The following CLIC6 variants were observed in gnomAD, a reference collection of about 807,000 sequenced individuals.
CLIC6 encodes chloride intracellular channel protein 6.
In CLIC6, 39 loss-of-function variants were observed where a neutral mutation model predicts 49.2. The observed-to-expected ratio is 0.79, with a 90% CI of 0.61 to 1.04. CLIC6 has a LOEUF of 1.04. CLIC6 is among the 50% of genes least tolerant of loss of function. The pLI is 0.00. For missense variants in CLIC6, 988 were observed against 993.1 expected, an observed-to-expected ratio of 0.99 and a Z score of 0.07; for synonymous variants, 446 against 433.4, an observed-to-expected ratio of 1.03 and a Z score of -0.36.
rs772693611 is a variant in CLIC6 at position 34,669,628 on chromosome 21, C to T, written c.240C>T (p.His80=). The T allele has an allele frequency of 1.1e-4, 143 of 1,285,802 alleles. No individual in the cohort carries two copies. Among genetic ancestry groups the T allele is most frequent in the Non-Finnish European group, 1.3e-4 (135 of 1,019,382 alleles). 79.6% of individuals were successfully genotyped at this position (1,285,802 alleles called of 1,614,324 possible). A position where few individuals can be genotyped will look rare whatever the true frequency, so the allele number is the denominator to read the frequency against. ...AGGCGCGGGGCACGAGGGGGGCGCA[C>T]GGCGAGACTGAGGCCGAGGAGGGAG... The part of the protein sequence containing the change: ...EAEARGTRGA[H]GETEAEEGAP... Residue 80 remains histidine, a synonymous_variant, in exon 1 of 6, where the codon CAC becomes CAT. Transcript: ENST00000349499.
chr21:34,669,427 T>G lies in CLIC6; in HGVS notation c.39T>G (p.Gly13=). The change falls in exon 1 of 6, where the codon GGT becomes GGG. Residue 13 remains glycine, a synonymous_variant. Transcript: ENST00000349499. ...EAAEPEGVAP[G]PQGPPEVPAP... Reference sequence around the variant, plus strand: ...CGGAGCCGGAGGGGGTTGCCCCGGGTCCCCAGGGGCCGCCGGAGGTCCCCG... The same window carrying G: ...CGGAGCCGGAGGGGGTTGCCCCGGGGCCCCAGGGGCCGCCGGAGGTCCCCG... 1 of 1,233,000 alleles carries G rather than the reference T, an allele frequency of 8.1e-7. No homozygotes were observed. The allele number at this position is 1,233,000 out of a possible 1,614,324, so 76.4% of individuals were successfully genotyped here. A position where few individuals can be genotyped will look rare whatever the true frequency, so the allele number is the denominator to read the frequency against.
chr21:34,713,612 T>C (rs1243828696), intron 5 of CLIC6, among the ~76,000 whole-genome samples: 1 of 150,200 alleles, frequency 6.7e-6, no homozygotes, highest in Non-Finnish European at 1.5e-5. Flanking sequence ...ATAAAAAAGG[T>C]GATTAGAGAG....
rs545468504 is a variant in CLIC6, at chr21:34,705,652, G to A, written c.1375-1628G>A. Among the ~76,000 whole-genome samples, 14 of 152,180 alleles carry A rather than the reference G, an allele frequency of 9.2e-5. 1 individual carries two copies. In the South Asian group the frequency reaches 2.9e-3, roughly 32 times the overall value. ...CCAGAGCTTAGGGACTCTGAATTCA[G>A]TAATCTGGGTCTATTGGTGCCCCTT... On this transcript the variant is annotated intron_variant, in intron 1 of 5. Coordinates refer to ENST00000349499, the MANE Select transcript of CLIC6 (RefSeq NM_053277.3).
Position 34,708,872 on chromosome 21 carries a change from C to T in CLIC6, c.1717+66C>T, listed in dbSNP as rs562034278. On this transcript the variant is annotated intron_variant, in intron 4 of 5. Coordinates refer to ENST00000349499, the MANE Select transcript of CLIC6 (RefSeq NM_053277.3). The stretch of plus-strand genomic sequence containing the variant: ...TTGAGTCTTAGCATGGCGGCCCATA[C>T]GCTCCTGGGGTATTCCCATCTATTT... 5.1e-4 allele frequency: 583 copies of T among 1,137,754 alleles called. 1 individual carries two copies. The highest frequency in any genetic ancestry group is 7.1e-4 in the Admixed American group (40 of 55,992). The allele number at this position is 1,137,754 out of a possible 1,614,324, so 70.5% of individuals were successfully genotyped here.
Position 34,683,102 on chromosome 21 carries a change from C to T in CLIC6, c.1374+12340C>T, listed in dbSNP as rs371071540. 2.4e-3 allele frequency among the ~76,000 whole-genome samples: 360 copies of T among 152,250 alleles called. 2 individuals are homozygous for T. Among genetic ancestry groups the T allele is most frequent in the South Asian group, 0.013 (65 of 4,826 alleles). ...CTAGGATTACAGGCGTGAGCCACCG[C>T]GCCTGGCCCCCTTTCCCTCTATTTT... On this transcript the variant is annotated intron_variant, in intron 1 of 5. Coordinates refer to ENST00000349499, the MANE Select transcript of CLIC6 (RefSeq NM_053277.3).
At chr21:34,683,001 C>T (rs1013519575) in intron 1 of CLIC6, among the ~76,000 whole-genome samples, 4 of 151,650 alleles carry the variant, frequency 2.6e-5, no homozygotes, top group Non-Finnish European at 2.9e-5. Context: ...TTAGTAGAAA[C>T]GGGGTTTCAC....
At chr21:34,702,561 G>A (rs910934173) in intron 1 of CLIC6, among the ~76,000 whole-genome samples, 1 of 152,186 alleles carries the variant, frequency 6.6e-6, no homozygotes, top group Non-Finnish European at 1.5e-5. Flanking sequence ...TACATGCAGT[G>A]AAATTTCCTG....
At chr21:34,680,505 G>C (rs1193992864) in intron 1 of CLIC6, among the ~76,000 whole-genome samples, 1 of 152,228 alleles carries the variant, frequency 6.6e-6, no homozygotes, top group African/African-American at 2.4e-5. Context: ...TCTGCAGCAG[G>C]CTTGAATTTT....
chr21:34,669,258 T>C lies in CLIC6; in HGVS notation c.-131T>C. 1.3e-6 allele frequency: 1 copy of C among 750,754 alleles called. No individual in the cohort carries two copies. Among genetic ancestry groups the C allele is most frequent in the Non-Finnish European group, 1.8e-6 (1 of 549,460 alleles). 46.5% of individuals were successfully genotyped at this position (750,754 alleles called of 1,614,324 possible). ...GGCCCCAGTGCCCCGGCTAAACCTT[T>C]GCCGCAGGATCCCGGAGCCGGCGTC... On this transcript the variant is annotated 5_prime_UTR_variant, in exon 1 of 6. Coordinates refer to ENST00000349499, the MANE Select transcript of CLIC6 (RefSeq NM_053277.3).
At chr21:34,689,673 G>A (rs951188093) in intron 1 of CLIC6, among the ~76,000 whole-genome samples, 8 of 151,832 alleles carry the variant, frequency 5.3e-5, no homozygotes, top group Non-Finnish European at 1.0e-4. Flanking sequence ...ACAGCTCCAG[G>A]GGCACTAAAC....
intron 1 of CLIC6, among the ~76,000 whole-genome samples, chr21:34,699,541 A>G (rs1306951073): frequency 6.6e-6 from 1 of 151,780 alleles, no homozygotes; most frequent in Non-Finnish European, 1.5e-5. Context: ...CTGAGATTAC[A>G]GGTGTGAGCC....
intron 1 of CLIC6, among the ~76,000 whole-genome samples, chr21:34,705,337 C>T (rs1045179513): frequency 6.6e-6 from 1 of 152,102 alleles, no homozygotes; most frequent in African/African-American, 2.4e-5. Flanking sequence ...TGCTCCAGAA[C>T]AGGGAGTGAG....
intron 1 of CLIC6, among the ~76,000 whole-genome samples, chr21:34,696,579 G>T (rs777467515): frequency 5.9e-5 from 9 of 152,138 alleles, no homozygotes; most frequent in Non-Finnish European, 1.0e-4. Context: ...TCTGTGTCTT[G>T]GTTTTCTTAA....
intron 1 of CLIC6, among the ~76,000 whole-genome samples, chr21:34,673,714 A>G (rs1190088142): frequency 6.6e-6 from 1 of 152,230 alleles, no homozygotes; most frequent in Non-Finnish European, 1.5e-5. Context: ...AACAAAAAAG[A>G]CAGACATCAA....
At chr21:34,714,080 T>C (rs546558880) in intron 5 of CLIC6, among the ~76,000 whole-genome samples, 36 of 152,370 alleles carry the variant, frequency 2.4e-4, no homozygotes, top group African/African-American at 8.2e-4. Flanking sequence ...GACCTAGACC[T>C]CTGGTCTCTT....
chr21:34,709,869 G>T (rs193120327), intron 5 of CLIC6, among the ~76,000 whole-genome samples: 37 of 152,290 alleles, frequency 2.4e-4, no homozygotes, highest in African/African-American at 8.7e-4. Context: ...TAGAGATGAG[G>T]CTCGTAGAAT....
At chr21:34,702,260 C>A (rs1034447005) in intron 1 of CLIC6, among the ~76,000 whole-genome samples, 2 of 152,126 alleles carry the variant, frequency 1.3e-5, no homozygotes, top group African/African-American at 2.4e-5. Flanking sequence ...AATGGAAGAC[C>A]CAATAGGGCT....
rs1345470933 is a variant in CLIC6 at position 34,708,818 on chromosome 21, C to T, written c.1717+12C>T. 5.7e-6 allele frequency: 9 copies of T among 1,573,670 alleles called. No individual in the cohort carries two copies. The highest frequency in any genetic ancestry group is 1.7e-4 in the Middle Eastern group (1 of 5,998). On this transcript the variant is annotated intron_variant, in intron 4 of 5. Coordinates refer to ENST00000349499, the MANE Select transcript of CLIC6 (RefSeq NM_053277.3). Reference sequence around the variant, plus strand: ...GGATGCAAATGAGAGTGAGTACCTCCCATCCTCCTGTTTTGTTTCAACACA... The same window carrying T: ...GGATGCAAATGAGAGTGAGTACCTCTCATCCTCCTGTTTTGTTTCAACACA...
chr21:34,706,057 A>G (rs961772536), intron 1 of CLIC6: 4 of 688,896 alleles, frequency 5.8e-6, no homozygotes, highest in African/African-American at 5.3e-5. Context: ...CTGTTCTCGC[A>G]TTGCTATAAA....
Sources: gnomAD v4.1 joint callset for allele counts (sites outside exome capture counted in the v4.1 genomes callset) on GRCh38, gnomAD v4.1.1 for gene constraint, MANE v1.5 for transcripts, NCBI Gene and HGNC (gene_info 2026-07-23, HGNC 2026-07-21) for gene names.